KPNA5: variants seen among roughly 807,000 people sequenced by gnomAD.
KPNA5 encodes the protein karyopherin subunit alpha 5.
Under a neutral mutation model 71.3 loss-of-function variants are expected in KPNA5, and 46 were observed. The observed-to-expected ratio is 0.65, with a 90% CI of 0.51 to 0.83. The LOEUF (loss-of-function observed/expected upper bound fraction) is 0.83, where lower values mean the gene tolerates loss of function less well. Ranked by LOEUF, KPNA5 falls within the 40% of genes least tolerant of loss-of-function variation. The pLI is 0.00. For synonymous variants in KPNA5, 207 were observed against 201.4 expected (o/e 1.03, Z -0.24); for missense variants, 547 against 628.3 (o/e 0.87, Z 1.38).
rs1779550361 is a variant in KPNA5 at position 116,732,963 on chromosome 6, TG to T, written c.*641del. 1 of 151,844 alleles carries T rather than the reference TG, an allele frequency of 6.6e-6. No homozygotes were observed. The highest frequency in any genetic ancestry group is 2.1e-4 in the South Asian group (1 of 4,832). The allele number at this position is 151,844 out of a possible 1,614,324, so 9.4% of individuals were successfully genotyped here. On this transcript the variant is annotated 3_prime_UTR_variant, in exon 14 of 14. Coordinates refer to ENST00000368564, the MANE Select transcript of KPNA5 (RefSeq NM_001366306.2). Reference sequence around the variant, plus strand: ...TGATAATCCATTAAAATGTGGCAATTGTGAAGGGAGAAGCTGTTTTTCATGT... The same window carrying T: ...TGATAATCCATTAAAATGTGGCAATTTGAAGGGAGAAGCTGTTTTTCATGT...
intron 13 of KPNA5, 111 bp downstream of exon 13, chr6:116,729,852 A>G: frequency 1.6e-6 from 1 of 614,804 alleles, no homozygotes; most frequent in Non-Finnish European, 2.6e-6. Context: ...GTATTTTTTT[A>G]AGTTTTAAAA....
Position 116,733,947 on chromosome 6 carries a change from C to T in KPNA5, c.*1624C>T, listed in dbSNP as rs148313894. On this transcript the variant is annotated 3_prime_UTR_variant, in exon 14 of 14. Coordinates refer to ENST00000368564, the MANE Select transcript of KPNA5 (RefSeq NM_001366306.2). ...AAGCTTTTGACAAGATACTTAAAAC[C>T]TACAGCTGTAAAATACAGGTTTAAA... The T allele has an allele frequency of 3.2e-4, 48 of 151,754 alleles. No individual in the cohort carries two copies. The highest frequency in any genetic ancestry group is 1.2e-3 in the African/African-American group (48 of 41,496). 9.4% of individuals were successfully genotyped at this position (151,754 alleles called of 1,614,324 possible). A position where few individuals can be genotyped will look rare whatever the true frequency, so the allele number is the denominator to read the frequency against.
chr6:116,702,289 A>G (rs764975335), intron 6 of KPNA5, 139 bp downstream of exon 6: 19 of 841,848 alleles, frequency 2.3e-5, no homozygotes, highest in Non-Finnish European at 2.9e-5. Context: ...TTTTGGTGTT[A>G]AGTTAGAAGG....
At chr6:116,709,448 G>A (rs1778568917) in intron 7 of KPNA5, among the ~76,000 whole-genome samples, 1 of 152,132 alleles carries the variant, frequency 6.6e-6, no homozygotes, top group Non-Finnish European at 1.5e-5. Flanking sequence ...GATCATTTGA[G>A]GCTGTAGTGC....
intron 7 of KPNA5, among the ~76,000 whole-genome samples, chr6:116,708,787 A>AT (rs1778542133): frequency 6.6e-6 from 1 of 151,764 alleles, no homozygotes. Flanking sequence ...TTGATTATTT[A>AT]TTTTTTTATT....
In KPNA5 at chr6:116,740,646, A is replaced by G. The variant is rs1442504053; in HGVS notation, c.*8323A>G. The G allele has an allele frequency of 6.6e-6, 1 of 152,184 alleles. No homozygotes were observed. 9.4% of individuals were successfully genotyped at this position (152,184 alleles called of 1,614,324 possible). ...TAAGAAAATGTGGCACATATACACCATGGAATACTATGCAGCCATAAAAAA... is the reference window on the plus strand; with the variant it reads ...TAAGAAAATGTGGCACATATACACCGTGGAATACTATGCAGCCATAAAAAA... On this transcript the variant is annotated 3_prime_UTR_variant, in exon 14 of 14. Coordinates refer to ENST00000368564, the MANE Select transcript of KPNA5 (RefSeq NM_001366306.2).
chr6:116,685,081 A>C (rs569505774), intron 1 of KPNA5, among the ~76,000 whole-genome samples: 1 of 152,350 alleles, frequency 6.6e-6, no homozygotes, highest in South Asian at 2.1e-4. Flanking sequence ...ACCTTTACAT[A>C]AATGTCTGTA....
chr6:116,711,392 T>A (rs150643502), intron 7 of KPNA5, among the ~76,000 whole-genome samples: 105 of 152,124 alleles, frequency 6.9e-4, no homozygotes, highest in African/African-American at 2.5e-3. Flanking sequence ...TTTACTCTAA[T>A]TTTTGTAATT....
chr6:116,692,514 T>C, intron 4 of KPNA5, 122 bp downstream of exon 4: 1 of 630,542 alleles, frequency 1.6e-6, no homozygotes, highest in Non-Finnish European at 2.7e-6. Context: ...TTATATTCTC[T>C]GCAAAATATA....
chr6:116,698,131 T>C (rs1030498098), intron 4 of KPNA5, among the ~76,000 whole-genome samples: 2 of 152,030 alleles, frequency 1.3e-5, no homozygotes, highest in Non-Finnish European at 2.9e-5. Flanking sequence ...AGATGACCAG[T>C]ACCTGAAATG....
chr6:116,704,964 T>A (rs1049039874), intron 6 of KPNA5, 108 bp from the exon 7 acceptor site: 28 of 635,832 alleles, frequency 4.4e-5, no homozygotes, highest in East Asian at 1.7e-4. Context: ...TGTTTTTTTT[T>A]AACATATCAG....
chr6:116,704,928 G>C, intron 6 of KPNA5, 144 bp from the exon 7 acceptor site: 1 of 592,878 alleles, frequency 1.7e-6, no homozygotes, highest in South Asian at 2.4e-5. Context: ...ATATTAAATT[G>C]AATTTTAAAA....
chr6:116,702,138 T>C lies in KPNA5; in HGVS notation c.555T>C (p.Asp185=). 6.2e-7 allele frequency: 1 copy of C among 1,613,800 alleles called. No homozygotes were observed. Among genetic ancestry groups the C allele is most frequent in the Non-Finnish European group, 8.5e-7 (1 of 1,179,946 alleles). ...FIKLLNSEHE[D]VQEQAVWALG... ...AACTTCTTAATTCTGAACATGAAGATGTTCAGGAACAGGTACGTCTCTAAT... is the reference window on the plus strand; with the variant it reads ...AACTTCTTAATTCTGAACATGAAGACGTTCAGGAACAGGTACGTCTCTAAT... Residue 185 remains aspartate (D), a synonymous_variant, in exon 6 of 14, where the codon GAT becomes GAC. Coordinates refer to ENST00000368564, the MANE Select transcript of KPNA5 (RefSeq NM_001366306.2).
Position 116,722,254 on chromosome 6 carries a change from T to C in KPNA5, c.885T>C (p.Asp295=). The C allele has an allele frequency of 6.2e-7, 1 of 1,611,906 alleles. No individual in the cohort carries two copies. Among genetic ancestry groups the C allele is most frequent in the Non-Finnish European group, 8.5e-7 (1 of 1,178,988 alleles). Residue 295 remains aspartate, a synonymous_variant, in exon 9 of 14, where the codon GAT becomes GAC. Coordinates refer to ENST00000368564, the MANE Select transcript of KPNA5 (RefSeq NM_001366306.2). ...GPNDKIQAVI[D]SGVCRRLVEL... is the part of the protein sequence containing the mutation. ...ATGATAAAATTCAAGCAGTCATTGA[T>C]TCTGGAGTCTGTCGAAGATTGGTGG...
intron 4 of KPNA5, among the ~76,000 whole-genome samples, chr6:116,698,243 C>A (rs1778101929): frequency 6.6e-6 from 1 of 151,958 alleles, no homozygotes; most frequent in Non-Finnish European, 1.5e-5. Flanking sequence ...AGTCCGTTAA[C>A]ATTTCTGTAA....
rs770406450 is a variant in KPNA5, at chr6:116,736,153, G to A, written c.*3830G>A. On this transcript the variant is annotated 3_prime_UTR_variant, in exon 14 of 14. Transcript: ENST00000368564. Reference sequence around the variant, plus strand: ...TGATAGTCAAAATGTAGAAACAAATGTTCATCAGCCAATGGATAAATAAAA... The same window carrying A: ...TGATAGTCAAAATGTAGAAACAAATATTCATCAGCCAATGGATAAATAAAA... 6.6e-6 allele frequency: 1 copy of A among 151,736 alleles called. No individual in the cohort carries two copies. Among genetic ancestry groups the A allele is most frequent in the Non-Finnish European group, 1.5e-5 (1 of 67,830 alleles). 9.4% of individuals were successfully genotyped at this position (151,736 alleles called of 1,614,324 possible). A position where few individuals can be genotyped will look rare whatever the true frequency, so the allele number is the denominator to read the frequency against.
intron 10 of KPNA5, 118 bp downstream of exon 10, chr6:116,724,493 G>A (rs1353343967): frequency 1.6e-6 from 1 of 622,152 alleles, no homozygotes; most frequent in Non-Finnish European, 2.9e-6. Context: ...TTGTGTGTGT[G>A]TCTGTATCTG....
intron 8 of KPNA5, among the ~76,000 whole-genome samples, chr6:116,718,740 A>T (rs1434181206): frequency 6.6e-6 from 1 of 151,210 alleles, no homozygotes; most frequent in East Asian, 1.9e-4. Flanking sequence ...TTGTTTTTTA[A>T]TCATTCACTT....
chr6:116,688,780 C>T (rs916173568), intron 1 of KPNA5, among the ~76,000 whole-genome samples: 1 of 152,084 alleles, frequency 6.6e-6, no homozygotes, highest in African/African-American at 2.4e-5. Flanking sequence ...TAATTCAAGT[C>T]CTGACCCTTG....
Sources: gnomAD v4.1 joint callset for allele counts (sites outside exome capture counted in the v4.1 genomes callset) on GRCh38, gnomAD v4.1.1 for gene constraint, MANE v1.5 for transcripts, NCBI Gene and HGNC (gene_info 2026-07-23, HGNC 2026-07-21) for gene names.